The following NEGR1 variants were observed in gnomAD, a reference collection of about 807,000 sequenced individuals.
The protein encoded by NEGR1 is neuronal growth regulator 1, also known as IgLON family member 4.
Under a neutral mutation model 40.9 loss-of-function variants are expected in NEGR1, and 10 were observed. The observed-to-expected ratio is 0.24, with a 90% confidence interval of 0.15 to 0.42. The LOEUF is 0.42. NEGR1 is among the 10% of genes least tolerant of loss of function. The probability of loss-of-function intolerance (pLI) is 1.00; values close to 1 mark genes in which losing one functional copy is unlikely to be tolerated. For synonymous variants in NEGR1, 185 were observed against 166.8 expected, an observed-to-expected ratio of 1.11 and a Z score of -0.84; for missense variants, 352 against 438.9, an observed-to-expected ratio of 0.80 and a Z score of 1.77.
chr1:71,930,804 T>C (rs915809878), intron 2 of NEGR1, among the ~76,000 whole-genome samples: 1 of 152,164 alleles, frequency 6.6e-6, no homozygotes, highest in Admixed American at 6.6e-5. Context: ...GGTTTGAATA[T>C]AGTAAGAAGT....
chr1:71,831,138 C>T (rs773275326), intron 2 of NEGR1, among the ~76,000 whole-genome samples: 3 of 151,842 alleles, frequency 2.0e-5, no homozygotes, highest in Non-Finnish European at 4.4e-5. Context: ...AAGATGTAAA[C>T]AGAAAAACAG....
chr1:71,601,705 A>G (rs1649924005), intron 5 of NEGR1, among the ~76,000 whole-genome samples: 1 of 152,216 alleles, frequency 6.6e-6, no homozygotes, highest in Non-Finnish European at 1.5e-5. Flanking sequence ...AATAACTCAG[A>G]AACAGAAAAT....
chr1:71,559,729 G>C (rs1185435579), intron 6 of NEGR1, among the ~76,000 whole-genome samples: 5 of 151,308 alleles, frequency 3.3e-5, no homozygotes, highest in Non-Finnish European at 7.4e-5. Flanking sequence ...ATTCACTCTA[G>C]ATGGAATATA....
chr1:71,842,828 T>C (rs925275000), intron 2 of NEGR1, among the ~76,000 whole-genome samples: 4 of 152,180 alleles, frequency 2.6e-5, no homozygotes, highest in Non-Finnish European at 5.9e-5. Flanking sequence ...TAGCAAGCTC[T>C]GTTATGGAGT....
intron 1 of NEGR1, among the ~76,000 whole-genome samples, chr1:72,036,456 G>A (rs1355123594): frequency 6.6e-6 from 1 of 151,982 alleles, no homozygotes; most frequent in African/African-American, 2.4e-5. Flanking sequence ...AGGAGTTCGA[G>A]ACCAGCCAGG....
chr1:72,067,450 T>G (rs1647303508), intron 1 of NEGR1, among the ~76,000 whole-genome samples: 1 of 152,158 alleles, frequency 6.6e-6, no homozygotes, highest in African/African-American at 2.4e-5. Context: ...TACCCATTTT[T>G]AACTACAGAA....
At chr1:71,654,017 G>T (rs1651798655) in intron 4 of NEGR1, among the ~76,000 whole-genome samples, 1 of 152,074 alleles carries the variant, frequency 6.6e-6, no homozygotes, top group Non-Finnish European at 1.5e-5. Flanking sequence ...AAACTTAAAA[G>T]AGATGAGCTA....
At chr1:72,249,678 A>G (rs767854017) in intron 1 of NEGR1, among the ~76,000 whole-genome samples, 4 of 152,206 alleles carry the variant, frequency 2.6e-5, no homozygotes, top group Admixed American at 1.3e-4. Context: ...AGAATAGAAT[A>G]TTAAATAAAA....
At chr1:71,656,646 C>A (rs1651888464) in intron 4 of NEGR1, among the ~76,000 whole-genome samples, 1 of 152,092 alleles carries the variant, frequency 6.6e-6, no homozygotes, top group Non-Finnish European at 1.5e-5. Flanking sequence ...GTGATCCGCC[C>A]GCCTCGGCCT....
chr1:71,430,921 G>A (rs1192596944), intron 6 of NEGR1, among the ~76,000 whole-genome samples: 1 of 151,856 alleles, frequency 6.6e-6, no homozygotes, highest in Admixed American at 6.6e-5. Context: ...CACCGGGCCC[G>A]ACTAATTTTT....
chr1:71,813,511 A>C lies in NEGR1; in HGVS notation c.410-37214T>G, dbSNP rs558141734. ...TAATGGAAATAGCATTGAATCTATA[A>C]ATTCTTTTGGAAACTATGGCCATTT... On this transcript the variant is annotated intron_variant, in intron 2 of 6. Transcript: ENST00000357731. 2.0e-5 allele frequency among the ~76,000 whole-genome samples: 3 copies of C among 152,120 alleles called. No individual in the cohort carries two copies. The East Asian group carries it at 5.8e-4, about 29-fold the overall frequency.
chr1:71,919,397 G>A (rs528549427), intron 2 of NEGR1, among the ~76,000 whole-genome samples: 3 of 151,796 alleles, frequency 2.0e-5, no homozygotes, highest in Non-Finnish European at 4.4e-5. Flanking sequence ...TCATCACACT[G>A]TTATACAACA....
At chr1:72,200,395 C>A (rs1653160384) in intron 1 of NEGR1, among the ~76,000 whole-genome samples, 1 of 151,918 alleles carries the variant, frequency 6.6e-6, no homozygotes, top group African/African-American at 2.4e-5. Context: ...GAGCCATTAT[C>A]CAAGCAAACT....
intron 1 of NEGR1, among the ~76,000 whole-genome samples, chr1:72,099,851 T>G (rs1013286979): frequency 2.0e-5 from 3 of 151,710 alleles, no homozygotes; most frequent in Admixed American, 6.6e-5. Flanking sequence ...AAATAAAAAT[T>G]TCAATGTATA....
intron 2 of NEGR1, among the ~76,000 whole-genome samples, chr1:71,918,693 A>T (rs1661674735): frequency 6.6e-6 from 1 of 152,122 alleles, no homozygotes; most frequent in Admixed American, 6.6e-5. Flanking sequence ...CAAAAAAAAA[A>T]AAATCGAGTA....
intron 4 of NEGR1, among the ~76,000 whole-genome samples, chr1:71,671,360 T>C (rs1652423520): frequency 6.6e-6 from 1 of 152,042 alleles, no homozygotes; most frequent in African/African-American, 2.4e-5. Flanking sequence ...AACATCATCT[T>C]TGAGGGGTAA....
At chr1:71,668,447 A>G (rs1010549939) in intron 4 of NEGR1, among the ~76,000 whole-genome samples, 1 of 152,172 alleles carries the variant, frequency 6.6e-6, no homozygotes, top group Admixed American at 6.6e-5. Context: ...ATGAGCAAAC[A>G]GGAGAATTAA....
intron 2 of NEGR1, among the ~76,000 whole-genome samples, chr1:71,883,626 G>T (rs899463395): frequency 2.3e-4 from 35 of 152,174 alleles, no homozygotes; most frequent in African/African-American, 7.7e-4. Context: ...TGCACAACGT[G>T]CAGGTTTGTT....
chr1:71,809,320 C>A (rs1657899396), intron 2 of NEGR1, among the ~76,000 whole-genome samples: 1 of 152,156 alleles, frequency 6.6e-6, no homozygotes, highest in African/African-American at 2.4e-5. Flanking sequence ...TAGAAATTTA[C>A]TTCCGTGGAA....
Sources: allele counts gnomAD v4.1 joint callset (sites outside exome capture counted in the v4.1 genomes callset), GRCh38; gene constraint gnomAD v4.1.1; transcripts MANE v1.5; gene names NCBI Gene and HGNC (gene_info 2026-07-23, HGNC 2026-07-21).